Variants in MYO1H observed in about 807,000 individuals in gnomAD.
MYO1H encodes the protein unconventional myosin-Ih.
A neutral mutation model predicts 149.3 loss-of-function variants in MYO1H; 118 were observed. That is an observed-to-expected ratio of 0.79 (90% CI 0.68 to 0.92). The LOEUF is 0.92. Ranked by LOEUF, MYO1H falls within the 40% of genes least tolerant of loss-of-function variation. The pLI is 0.00. For missense variants in MYO1H, 1,212 were observed against 1,280.7 expected (o/e 0.95, Z 0.82); for synonymous variants, 447 against 465.2 (o/e 0.96, Z 0.50).
chr12:109,339,994 A>G, the MYO1H span, among the ~76,000 whole-genome samples: 1 of 152,184 alleles, frequency 6.6e-6, no homozygotes, highest in Non-Finnish European at 1.5e-5. Context: ...CCATATATGT[A>G]TGTCTTAGAG....
chr12:109,341,092 G>A, the MYO1H span, among the ~76,000 whole-genome samples: 17,243 of 151,174 alleles, frequency 0.11, 1,036 homozygotes, highest in Admixed American at 0.16. Flanking sequence ...GGAGGCTGAG[G>A]CAGGAGAATT....
intron 16 of MYO1H, among the ~76,000 whole-genome samples, chr12:109,421,507 A>C (rs1217395672): frequency 6.6e-6 from 1 of 152,228 alleles, no homozygotes; most frequent in African/African-American, 2.4e-5. Flanking sequence ...TAGAAGGATC[A>C]GAAGTTATTC....
intron 23 of MYO1H, 118 bp from the exon 24 acceptor site, chr12:109,439,513 G>A (rs192984037): frequency 3.8e-5 from 23 of 601,020 alleles, no homozygotes; most frequent in Non-Finnish European, 5.6e-5. Context: ...TCTGGCCTAT[G>A]TGGTCATCTC....
intron 1 of MYO1H, among the ~76,000 whole-genome samples, chr12:109,381,630 C>A (rs1453202277): frequency 1.3e-5 from 2 of 151,738 alleles, no homozygotes; most frequent in Non-Finnish European, 2.9e-5. Context: ...CATGGTGAAA[C>A]CCCGTCTCTA....
intron 16 of MYO1H, among the ~76,000 whole-genome samples, chr12:109,422,597 C>T (rs1255167321): frequency 2.6e-5 from 4 of 152,192 alleles, no homozygotes; most frequent in Admixed American, 6.6e-5. Flanking sequence ...ACGGAGAGGA[C>T]ATCACATAGG....
At position 109,438,970 on chromosome 12, in the gene MYO1H, C is replaced by A. The variant is rs1170698602; in HGVS notation, c.2294+350C>A. Reference sequence around the variant, plus strand: ...ACGCTCAGTCTACCTCAAGGTGGGGCGGTAACTAGCCCATTCCAGTTTACT... The same window carrying A: ...ACGCTCAGTCTACCTCAAGGTGGGGAGGTAACTAGCCCATTCCAGTTTACT... On this transcript the variant is annotated intron_variant, in intron 23 of 31. Coordinates refer to ENST00000310903, the Ensembl canonical transcript of MYO1H. Among the ~76,000 whole-genome samples the A allele has an allele frequency of 2.0e-5, 3 of 152,134 alleles. No homozygotes were observed. The South Asian group carries it at 6.2e-4, about 32-fold the overall frequency.
intron 1 of MYO1H, among the ~76,000 whole-genome samples, chr12:109,356,328 A>ATAGC (rs1347235846): frequency 6.6e-6 from 1 of 152,146 alleles, no homozygotes; most frequent in African/African-American, 2.4e-5. Flanking sequence ...CCAGAGAAAG[A>ATAGC]TAGCTGTGGA....
At chr12:109,439,235 C>T (rs772618058) in intron 23 of MYO1H, among the ~76,000 whole-genome samples, 24 of 152,142 alleles carry the variant, frequency 1.6e-4, no homozygotes, top group African/African-American at 4.1e-4. Flanking sequence ...CCACCACACC[C>T]GGCTAAATTT....
intron 23 of MYO1H, among the ~76,000 whole-genome samples, chr12:109,439,384 A>G (rs900800919): frequency 1.3e-5 from 2 of 152,122 alleles, no homozygotes; most frequent in Admixed American, 1.3e-4. Flanking sequence ...CAGCCTTGAA[A>G]TCTGGCTTTT....
At chr12:109,376,231 T>C (rs6606704) in intron 1 of MYO1H, among the ~76,000 whole-genome samples, 75,730 of 152,028 alleles carry the variant, frequency 0.5, 19,523 homozygotes, top group African/African-American at 0.62. Context: ...GAAAAGAAAT[T>C]TCATGCCCTT....
chr12:109,371,860 G>A (rs933700140), intron 1 of MYO1H, among the ~76,000 whole-genome samples: 10 of 152,132 alleles, frequency 6.6e-5, no homozygotes, highest in Non-Finnish European at 1.0e-4. Flanking sequence ...TGCCAAAAAT[G>A]AAAATCGTAT....
intron 15 of MYO1H, among the ~76,000 whole-genome samples, chr12:109,417,165 C>A (rs1793053475): frequency 6.6e-6 from 1 of 152,072 alleles, no homozygotes; most frequent in South Asian, 2.1e-4. Flanking sequence ...AGCAAGACTT[C>A]ATCTCAAAAT....
At chr12:109,422,144 T>C (rs1444766119) in intron 16 of MYO1H, among the ~76,000 whole-genome samples, 1 of 152,216 alleles carries the variant, frequency 6.6e-6, no homozygotes, top group Non-Finnish European at 1.5e-5. Context: ...TTAAGGCCCC[T>C]ATTTTGTATT....
At chr12:109,440,801 G>C (rs775912104) in exon 25 of MYO1H, 3 of 1,564,976 alleles carry the variant, frequency 1.9e-6, no homozygotes. Flanking sequence ...GTACTGCCGC[G>C]GGATCACAGC....
At chr12:109,351,415 T>A (rs1411800732) in intron 1 of MYO1H, among the ~76,000 whole-genome samples, 2 of 152,200 alleles carry the variant, frequency 1.3e-5, no homozygotes, top group Non-Finnish European at 2.9e-5. Flanking sequence ...AATCACACAG[T>A]TTCACCGCAG....
rs1402785435 is a variant in MYO1H, at chr12:109,440,721, A to G, written c.2455-23A>G. 3 of 1,546,876 alleles carry G rather than the reference A, an allele frequency of 1.9e-6. No individual in the cohort carries two copies. The East Asian group carries it at 7.3e-5, about 38-fold the overall frequency. ...GACAGGGAGTGAGTGAGGCAAGTGGAAAGAAGTGTGTTCTCCACACAGGCA... is the reference window on the plus strand; with the variant it reads ...GACAGGGAGTGAGTGAGGCAAGTGGGAAGAAGTGTGTTCTCCACACAGGCA... On this transcript the variant is annotated intron_variant, in intron 24 of 31. Coordinates refer to ENST00000310903, the Ensembl canonical transcript of MYO1H.
intron 23 of MYO1H, 144 bp downstream of exon 23, chr12:109,438,764 G>C (rs763713502): frequency 5.8e-5 from 37 of 642,838 alleles, no homozygotes; most frequent in South Asian, 2.3e-4. Context: ...TAGGAATTCA[G>C]GTCCATCCCT....
exon 32 of MYO1H, chr12:109,447,536 T>G: frequency 2.6e-6 from 1 of 380,282 alleles, no homozygotes; most frequent in Non-Finnish European, 4.9e-6. Context: ...CATGATGAAA[T>G]ACTGTGTACA....
chr12:109,445,170 G>GT (rs1159218945), intron 30 of MYO1H, among the ~76,000 whole-genome samples: 1 of 152,208 alleles, frequency 6.6e-6, no homozygotes, highest in Non-Finnish European at 1.5e-5. Context: ...AGGAGAGAGA[G>GT]TTGAGTGCTT....
Sources: allele counts gnomAD v4.1 joint callset (sites outside exome capture counted in the v4.1 genomes callset), GRCh38; gene constraint gnomAD v4.1.1; transcripts MANE v1.5; gene names NCBI Gene and HGNC (gene_info 2026-07-23, HGNC 2026-07-21).